Variants in BAIAP2L1 observed in about 807,000 individuals in gnomAD.
BAIAP2L1 encodes BAR/IMD domain containing adaptor protein 2 like 1.
In BAIAP2L1, 35 loss-of-function variants were observed where a neutral mutation model predicts 66.3. That is an observed-to-expected ratio of 0.53 (90% CI 0.40 to 0.70). BAIAP2L1 has a LOEUF of 0.70. Among genes scored for constraint, BAIAP2L1 ranks in the 30% least tolerant of loss-of-function variants. The probability of loss-of-function intolerance (pLI) is 0.00; values close to 1 mark genes in which losing one functional copy is unlikely to be tolerated. For synonymous variants in BAIAP2L1, 269 were observed against 248.7 expected, an observed-to-expected ratio of 1.08 and a Z score of -0.77; for missense variants, 622 against 656.9, an observed-to-expected ratio of 0.95 and a Z score of 0.58.
intron 3 of BAIAP2L1, among the ~76,000 whole-genome samples, chr7:98,344,999 T>C (rs999135705): frequency 2.0e-5 from 3 of 152,322 alleles, no homozygotes; most frequent in Admixed American, 1.3e-4. Context: ...CTCCCATTGC[T>C]TGGCATTTCT....
intron 3 of BAIAP2L1, among the ~76,000 whole-genome samples, chr7:98,338,615 C>T (rs760586684): frequency 6.6e-6 from 1 of 152,138 alleles, no homozygotes; most frequent in Non-Finnish European, 1.5e-5. Flanking sequence ...TTTGACGTGG[C>T]ACATAACCAA....
intron 3 of BAIAP2L1, among the ~76,000 whole-genome samples, chr7:98,345,603 T>C (rs1361541817): frequency 6.6e-6 from 1 of 151,990 alleles, no homozygotes; most frequent in Non-Finnish European, 1.5e-5. Flanking sequence ...GGGGGTACTG[T>C]AGTCCCAGCT....
rs138257114 is a variant in BAIAP2L1, at chr7:98,358,036, G to A, written c.128-2908C>T. Among the ~76,000 whole-genome samples the A allele has an allele frequency of 5.3e-3, 811 of 152,344 alleles. 9 individuals are homozygous for A. Among genetic ancestry groups the A allele is most frequent in the Middle Eastern group, 0.024 (7 of 294 alleles). Reference sequence around the variant, plus strand: ...GAACATCTTAGTATGAAGATGTTAAGTTGTAAAGTACTGATCATCTGAAAA... The same window carrying A: ...GAACATCTTAGTATGAAGATGTTAAATTGTAAAGTACTGATCATCTGAAAA... On this transcript the variant is annotated intron_variant, in intron 2 of 13. Coordinates refer to ENST00000005260, the MANE Select transcript of BAIAP2L1 (RefSeq NM_018842.5).
chr7:98,292,510 C>A lies in BAIAP2L1; in HGVS notation c.*1011G>T. On this transcript the variant is annotated 3_prime_UTR_variant, in exon 14 of 14. Coordinates refer to ENST00000005260, the MANE Select transcript of BAIAP2L1 (RefSeq NM_018842.5). The stretch of plus-strand genomic sequence containing the variant: ...TCTCCACTCCAAAATAGGTCCAGAT[C>A]CTTGGCAGCCAAAGATGATTTCCAG... 1.1e-6 allele frequency: 1 copy of A among 907,940 alleles called. No individual in the cohort carries two copies. The allele number at this position is 907,940 out of a possible 1,614,324, so 56.2% of individuals were successfully genotyped here.
At chr7:98,395,858 C>T (rs1020092818) in intron 1 of BAIAP2L1, among the ~76,000 whole-genome samples, 1 of 152,022 alleles carries the variant, frequency 6.6e-6, no homozygotes, top group Non-Finnish European at 1.5e-5. Context: ...CAGTGAGACA[C>T]CATCTCTACC....
At chr7:98,397,721 T>A (rs1803249803) in intron 1 of BAIAP2L1, among the ~76,000 whole-genome samples, 1 of 152,152 alleles carries the variant, frequency 6.6e-6, no homozygotes, top group Non-Finnish European at 1.5e-5. Flanking sequence ...GAGCATATAC[T>A]CATCAGAAAA....
chr7:98,381,246 A>C (rs1472288964), intron 1 of BAIAP2L1, among the ~76,000 whole-genome samples: 1 of 152,152 alleles, frequency 6.6e-6, no homozygotes, highest in Non-Finnish European at 1.5e-5. Flanking sequence ...GTCCTTCTAA[A>C]AGGCGGGGTT....
At chr7:98,373,028 G>C (rs1043314174) in intron 1 of BAIAP2L1, among the ~76,000 whole-genome samples, 1 of 152,152 alleles carries the variant, frequency 6.6e-6, no homozygotes, top group Non-Finnish European at 1.5e-5. Flanking sequence ...GTGCGAGCCA[G>C]CACGCCCGGT....
chr7:98,319,110 C>T (rs910774247), intron 5 of BAIAP2L1, among the ~76,000 whole-genome samples: 2 of 152,050 alleles, frequency 1.3e-5, no homozygotes, highest in Non-Finnish European at 2.9e-5. Flanking sequence ...CTCACGAGGA[C>T]GACAGGGGAG....
At chr7:98,304,071 C>T (rs1800533643) in intron 12 of BAIAP2L1, 125 bp downstream of exon 12, 4 of 1,034,066 alleles carry the variant, frequency 3.9e-6, no homozygotes, top group Non-Finnish European at 4.0e-6. Flanking sequence ...CTCCTCCCTC[C>T]TCCCCGGGGA....
chr7:98,388,028 AG>A (rs1356038780), intron 1 of BAIAP2L1, among the ~76,000 whole-genome samples: 1 of 152,076 alleles, frequency 6.6e-6, no homozygotes, highest in African/African-American at 2.4e-5. Flanking sequence ...TTTGTAAATA[AG>A]GAGGCAGGTA....
Position 98,357,913 on chromosome 7 carries a change from G to C in BAIAP2L1, c.128-2785C>G, listed in dbSNP as rs1802175574. On this transcript the variant is annotated intron_variant, in intron 2 of 13. Coordinates refer to ENST00000005260, the MANE Select transcript of BAIAP2L1 (RefSeq NM_018842.5). ...CTTCACTTCCTCAGCTCTAAATTATGGTGCTTTCTGATTCTTTGGTCTCGT... is the reference window on the plus strand; with the variant it reads ...CTTCACTTCCTCAGCTCTAAATTATCGTGCTTTCTGATTCTTTGGTCTCGT... Among the ~76,000 whole-genome samples the C allele has an allele frequency of 2.6e-5, 4 of 152,212 alleles. No individual in the cohort carries two copies. The South Asian group carries it at 8.3e-4, about 32-fold the overall frequency.
At chr7:98,374,655 T>C (rs1802579350) in intron 1 of BAIAP2L1, among the ~76,000 whole-genome samples, 1 of 152,186 alleles carries the variant, frequency 6.6e-6, no homozygotes, top group South Asian at 2.1e-4. Flanking sequence ...AGAAGCTTTC[T>C]TATAATCTTA....
At chr7:98,355,342 G>C in intron 2 of BAIAP2L1, 1 of 574,166 alleles carries the variant, frequency 1.7e-6, no homozygotes, top group Admixed American at 2.9e-5. Context: ...CCTCGTCTCT[G>C]ACCAGCCCCG....
intron 1 of BAIAP2L1, among the ~76,000 whole-genome samples, chr7:98,363,338 C>G (rs1802318183): frequency 6.6e-6 from 1 of 152,038 alleles, no homozygotes; most frequent in Non-Finnish European, 1.5e-5. Context: ...CCCTGCCTCC[C>G]TGGCATTTTC....
At chr7:98,393,688 G>A (rs191739595) in intron 1 of BAIAP2L1, among the ~76,000 whole-genome samples, 3 of 149,130 alleles carry the variant, frequency 2.0e-5, no homozygotes, top group South Asian at 2.1e-4. Context: ...TAGTAGAGAC[G>A]GGGTTTCACT....
Position 98,317,278 on chromosome 7 carries a change from T to A in BAIAP2L1, c.427A>T (p.Ile143Phe). Reference sequence around the variant, plus strand: ...CGGCTTCCTTGGCTTTTCCTTCTGATCTTCTTCAACTCAGCTTGGGATTTC... The same window carrying A: ...CGGCTTCCTTGGCTTTTCCTTCTGAACTTCTTCAACTCAGCTTGGGATTTC... ...LEKSQAELKK[I>F]RRKSQGSRNA... The change falls in exon 6 of 14, where the codon ATC (isoleucine) becomes TTC (phenylalanine). Residue 143 changes from isoleucine (I) to phenylalanine (F), a missense_variant. Coordinates refer to ENST00000005260, the MANE Select transcript of BAIAP2L1 (RefSeq NM_018842.5). 3 of 1,614,170 alleles carry A rather than the reference T, an allele frequency of 1.9e-6. No homozygotes were observed. In the South Asian group the frequency reaches 3.3e-5, roughly 18 times the overall value.
chr7:98,394,334 C>T (rs1244440075), intron 1 of BAIAP2L1, among the ~76,000 whole-genome samples: 1 of 152,140 alleles, frequency 6.6e-6, no homozygotes, highest in East Asian at 1.9e-4. Context: ...GTCTAATGAA[C>T]TTCAGTTTAT....
chr7:98,369,612 G>A (rs904362147), intron 1 of BAIAP2L1, among the ~76,000 whole-genome samples: 3 of 151,560 alleles, frequency 2.0e-5, no homozygotes, highest in Non-Finnish European at 4.4e-5. Flanking sequence ...TCTTTCCTGC[G>A]GATATTCCTT....
Sources: allele counts gnomAD v4.1 joint callset (sites outside exome capture counted in the v4.1 genomes callset), GRCh38; gene constraint gnomAD v4.1.1; transcripts MANE v1.5; gene names NCBI Gene and HGNC (gene_info 2026-07-23, HGNC 2026-07-21).